Variants in G2E3 observed in about 807,000 individuals in gnomAD.
The protein encoded by G2E3 is G2/M-phase specific E3 ubiquitin protein ligase.
In G2E3, 35 loss-of-function variants were observed where a neutral mutation model predicts 92.8. The ratio of observed to expected loss-of-function variants is 0.38; its 90% CI spans 0.29 to 0.50. G2E3 has a LOEUF of 0.50. Among genes scored for constraint, G2E3 ranks in the 20% least tolerant of loss-of-function variants. The pLI is 0.94. For missense variants in G2E3, 554 were observed against 823.8 expected (o/e 0.67, Z 4.01); for synonymous variants, 242 against 272.4 (o/e 0.89, Z 1.10).
chr14:30,590,956 A>C lies in G2E3; in HGVS notation c.238-1367A>C, dbSNP rs1253597864. 4 of 237,622 alleles carry C rather than the reference A, an allele frequency of 1.7e-5. No homozygotes were observed. In the East Asian group the frequency reaches 4.4e-4, roughly 26 times the overall value. 14.7% of individuals were successfully genotyped at this position (237,622 alleles called of 1,614,324 possible). A position where few individuals can be genotyped will look rare whatever the true frequency, so the allele number is the denominator to read the frequency against. On this transcript the variant is annotated intron_variant, in intron 4 of 14. Transcript: ENST00000206595. Reference sequence around the variant, plus strand: ...ATTTGCTTACCAGTTGAGCACCTCTAATCTGAAAATCCAAAACCCAAAATG... The same window carrying C: ...ATTTGCTTACCAGTTGAGCACCTCTCATCTGAAAATCCAAAACCCAAAATG...
Position 30,589,380 on chromosome 14 carries a change from T to C in G2E3, c.136-3T>C. ...TATTTTCTAATTGAGAATATATTCA[T>C]AGTTGATGTCAAGTGGAATTTGGCA... is the stretch of plus-strand genomic sequence containing the variant. On this transcript the variant is annotated splice_polypyrimidine_tract_variant and splice_region_variant and intron_variant, in intron 3 of 14. Transcript: ENST00000206595. 1.3e-6 allele frequency: 2 copies of C among 1,519,700 alleles called. No individual in the cohort carries two copies. 94.1% of individuals were successfully genotyped at this position (1,519,700 alleles called of 1,614,324 possible). A position where few individuals can be genotyped will look rare whatever the true frequency, so the allele number is the denominator to read the frequency against.
intron 2 of G2E3, among the ~76,000 whole-genome samples, chr14:30,582,161 A>G (rs1422153678): frequency 6.6e-6 from 1 of 152,156 alleles, no homozygotes; most frequent in African/African-American, 2.4e-5. Context: ...ATACACATCT[A>G]CTATTGATAC....
chr14:30,612,126 AAATT>A, intron 12 of G2E3, 77 bp from the exon 13 acceptor site: 1 of 967,434 alleles, frequency 1.0e-6, no homozygotes, highest in Non-Finnish European at 1.6e-6. Flanking sequence ...ATTTGAGTAT[AAATT>A]AACAAGTATC....
chr14:30,589,816 TCTCTAAA>T (rs1880905936), intron 4 of G2E3, among the ~76,000 whole-genome samples: 2 of 152,082 alleles, frequency 1.3e-5, no homozygotes, highest in Admixed American at 1.3e-4. Flanking sequence ...ACTCTGCTGT[TCTCTAAA>T]CCTTTGATCC....
intron 1 of G2E3, among the ~76,000 whole-genome samples, chr14:30,572,874 A>T (rs1879847452): frequency 6.6e-6 from 1 of 152,170 alleles, no homozygotes; most frequent in Admixed American, 6.5e-5. Flanking sequence ...CTCAGGAAAA[A>T]ACATATAGAA....
chr14:30,584,095 A>G (rs1305955185), intron 2 of G2E3, among the ~76,000 whole-genome samples: 1 of 152,214 alleles, frequency 6.6e-6, no homozygotes, highest in Non-Finnish European at 1.5e-5. Context: ...TATGTTGGAT[A>G]AAGTAATCCA....
intron 12 of G2E3, among the ~76,000 whole-genome samples, chr14:30,609,142 A>G (rs1881971789): frequency 6.6e-6 from 1 of 152,212 alleles, no homozygotes; most frequent in Non-Finnish European, 1.5e-5. Flanking sequence ...GTGTATTACA[A>G]CAATTCTGTT....
intron 10 of G2E3, among the ~76,000 whole-genome samples, chr14:30,604,233 T>TA (rs1437385119): frequency 6.6e-6 from 1 of 152,196 alleles, no homozygotes; most frequent in East Asian, 1.9e-4. Context: ...AGAATTATCT[T>TA]ACTTCCAAAG....
rs1024416217 is a variant in G2E3 at position 30,568,123 on chromosome 14, C to A, written c.-5+8851C>A. 7.9e-5 allele frequency among the ~76,000 whole-genome samples: 12 copies of A among 152,138 alleles called. No homozygotes were observed. In the East Asian group the frequency reaches 1.2e-3, roughly 15 times the overall value. On this transcript the variant is annotated intron_variant, in intron 1 of 14. Transcript: ENST00000206595. ...TAGGTGGGTTTGTGTTTATAATTGT[C>A]ATGTCTTCTTGATGGATTGAACTTT... is the stretch of plus-strand genomic sequence containing the variant.
At chr14:30,599,376 T>C (rs2138873589) in intron 8 of G2E3, among the ~76,000 whole-genome samples, 1 of 152,264 alleles carries the variant, frequency 6.6e-6, no homozygotes, top group Non-Finnish European at 1.5e-5. Context: ...TACAGGCGCA[T>C]GCCACCATGC....
At chr14:30,589,767 T>G (rs1015455000) in intron 4 of G2E3, among the ~76,000 whole-genome samples, 5 of 151,988 alleles carry the variant, frequency 3.3e-5, no homozygotes, top group African/African-American at 1.2e-4. Context: ...GATCTGATGG[T>G]CAATCTTCTC....
At chr14:30,560,827 C>A in intron 1 of G2E3, 1 of 701,138 alleles carries the variant, frequency 1.4e-6, no homozygotes, top group Non-Finnish European at 2.6e-6. Context: ...GAACAGTCTG[C>A]ATATTTAACT....
intron 14 of G2E3, 59 bp downstream of exon 14, chr14:30,615,598 G>A: frequency 1.9e-6 from 2 of 1,080,984 alleles, no homozygotes; most frequent in South Asian, 2.2e-5. Context: ...CAGCATATTT[G>A]TTGGGGGTTT....
intron 2 of G2E3, among the ~76,000 whole-genome samples, chr14:30,581,745 C>T (rs955222632): frequency 6.6e-6 from 1 of 151,998 alleles, no homozygotes; most frequent in Non-Finnish European, 1.5e-5. Flanking sequence ...GAAAACTTAC[C>T]TCTACGTGCT....
At chr14:30,566,605 C>T (rs1007998342) in intron 1 of G2E3, among the ~76,000 whole-genome samples, 7 of 151,968 alleles carry the variant, frequency 4.6e-5, no homozygotes, top group African/African-American at 1.5e-4. Flanking sequence ...TAGCTGAATT[C>T]GTTTAGTAGC....
intron 2 of G2E3, among the ~76,000 whole-genome samples, chr14:30,586,356 C>T (rs1880714543): frequency 6.6e-6 from 1 of 152,192 alleles, no homozygotes; most frequent in Admixed American, 6.5e-5. Flanking sequence ...CTTCATTAAG[C>T]ATTCTCCTAA....
chr14:30,596,964 T>A (rs1370244817), intron 6 of G2E3, among the ~76,000 whole-genome samples: 4 of 152,216 alleles, frequency 2.6e-5, no homozygotes, highest in Non-Finnish European at 5.9e-5. Flanking sequence ...GCTATAGCAA[T>A]GAGGATAGGT....
chr14:30,580,838 A>G (rs1390159472), intron 1 of G2E3: 1 of 425,924 alleles, frequency 2.3e-6, no homozygotes, highest in Non-Finnish European at 4.3e-6. Context: ...ACTAAATACC[A>G]GTGGTCATCT....
At chr14:30,582,495 T>C (rs1453750272) in intron 2 of G2E3, among the ~76,000 whole-genome samples, 1 of 152,224 alleles carries the variant, frequency 6.6e-6, no homozygotes. Context: ...ACAGCAGATG[T>C]ACCTCCATCC....
Sources: allele counts gnomAD v4.1 joint callset (sites outside exome capture counted in the v4.1 genomes callset), GRCh38; gene constraint gnomAD v4.1.1; transcripts MANE v1.5; gene names NCBI Gene and HGNC (gene_info 2026-07-23, HGNC 2026-07-21).